EIPR1: variants seen among roughly 807,000 people sequenced by gnomAD.
The protein encoded by EIPR1 is EARP complex and GARP complex interacting protein 1, also known as EARP and GARP complex-interacting protein 1.
EIPR1 carries 25 observed loss-of-function variants against 48.1 expected under a neutral mutation model. That is an observed-to-expected ratio of 0.52 (90% confidence interval 0.38 to 0.73). EIPR1 has a LOEUF of 0.73. Among genes scored for constraint, EIPR1 ranks in the 30% least tolerant of loss-of-function variants. EIPR1 has a pLI of 0.00. For missense variants in EIPR1, 415 were observed against 506.2 expected (o/e 0.82, Z 1.73); for synonymous variants, 204 against 201.9 (o/e 1.01, Z -0.09).
intron 1 of EIPR1, among the ~76,000 whole-genome samples, chr2:3,355,184 T>C (rs540087743): frequency 1.1e-4 from 16 of 152,334 alleles, no homozygotes; most frequent in Admixed American, 7.2e-4. Context: ...TAAAGGCACC[T>C]GCCAGTCTGG....
chr2:3,375,927 C>T (rs1340976142), intron 1 of EIPR1, among the ~76,000 whole-genome samples: 1 of 152,162 alleles, frequency 6.6e-6, no homozygotes, highest in Non-Finnish European at 1.5e-5. Context: ...TCCTATAGCA[C>T]AGTTTATTAT....
intron 2 of EIPR1, among the ~76,000 whole-genome samples, chr2:3,345,625 G>GA (rs879730271): frequency 1.5e-3 from 212 of 141,686 alleles, no homozygotes; most frequent in Middle Eastern, 3.7e-3. Context: ...ACTCTGTCTG[G>GA]AAAAAAAAAA....
chr2:3,336,814 A>G (rs1670059168), intron 3 of EIPR1, among the ~76,000 whole-genome samples: 1 of 149,358 alleles, frequency 6.7e-6, no homozygotes, highest in Admixed American at 6.8e-5. Flanking sequence ...AGAAAAGGAA[A>G]AGAAAAGAAA....
At chr2:3,366,105 C>T (rs546170538) in intron 1 of EIPR1, among the ~76,000 whole-genome samples, 9 of 152,244 alleles carry the variant, frequency 5.9e-5, no homozygotes, top group African/African-American at 1.9e-4. Flanking sequence ...GTCAGGAGTT[C>T]GAGACCAGCC....
chr2:3,196,740 T>C, intron 6 of EIPR1, 141 bp downstream of exon 6: 1 of 1,293,256 alleles, frequency 7.7e-7, no homozygotes, highest in Non-Finnish European at 1.0e-6. Context: ...GATGAAGATT[T>C]ATGATTTCCT....
At chr2:3,236,660 G>A (rs1232998070) in intron 4 of EIPR1, among the ~76,000 whole-genome samples, 2 of 152,184 alleles carry the variant, frequency 1.3e-5, no homozygotes, top group Non-Finnish European at 2.9e-5. Context: ...GCGTCTGCTC[G>A]GTGCAGGCCC....
At chr2:3,322,941 G>A (rs888599605) in intron 3 of EIPR1, among the ~76,000 whole-genome samples, 1 of 152,194 alleles carries the variant, frequency 6.6e-6, no homozygotes, top group Non-Finnish European at 1.5e-5. Context: ...ATGCCTTGGC[G>A]TACGTGCGAG....
At chr2:3,301,718 C>A (rs901414524) in intron 3 of EIPR1, among the ~76,000 whole-genome samples, 1 of 152,180 alleles carries the variant, frequency 6.6e-6, no homozygotes, top group Non-Finnish European at 1.5e-5. Context: ...AATACAGTCT[C>A]AAGGTGATAA....
chr2:3,377,633 C>A lies in EIPR1; in HGVS notation c.42+15G>T. 1.3e-6 allele frequency: 2 copies of A among 1,567,916 alleles called. No individual in the cohort carries two copies. The highest frequency in any genetic ancestry group is 1.7e-6 in the Non-Finnish European group (2 of 1,155,846). ...GCCAGGCCGAGCAGCACCTGCCGCC[C>A]TCCCAGTGACCCACCTGGAACTCCA... is the stretch of plus-strand genomic sequence containing the variant. On this transcript the variant is annotated intron_variant, in intron 1 of 8. Coordinates refer to ENST00000382125, the MANE Select transcript of EIPR1 (RefSeq NM_003310.5).
At chr2:3,244,255 T>A (rs1304438740) in intron 4 of EIPR1, among the ~76,000 whole-genome samples, 1 of 152,174 alleles carries the variant, frequency 6.6e-6, no homozygotes, top group African/African-American at 2.4e-5. Context: ...AGCAGTTTGG[T>A]CTCCTTTTTC....
At chr2:3,371,581 C>T (rs983796880) in intron 1 of EIPR1, among the ~76,000 whole-genome samples, 8 of 152,124 alleles carry the variant, frequency 5.3e-5, no homozygotes, top group Non-Finnish European at 8.8e-5. Context: ...GGGTTGCAAT[C>T]CTAGTCTCTG....
chr2:3,259,672 G>A (rs1667267366), intron 3 of EIPR1, among the ~76,000 whole-genome samples: 1 of 152,204 alleles, frequency 6.6e-6, no homozygotes, highest in South Asian at 2.1e-4. Context: ...CCCTTCTAAT[G>A]TTGTAACAAA....
rs1221694110 is a variant in EIPR1 at position 3,337,007 on chromosome 2, GAAGGGAA to G, written c.259+1003_259+1009del. Among the ~76,000 whole-genome samples the G allele has an allele frequency of 1.1e-4, 16 of 140,686 alleles. 2 individuals are homozygous for G. Among genetic ancestry groups the G allele is most frequent in the East Asian group, 6.5e-4 (3 of 4,642 alleles). 92.3% of individuals were successfully genotyped at this position (140,686 alleles called of 152,430 possible). On this transcript the variant is annotated intron_variant, in intron 3 of 8. Transcript: ENST00000382125. ...GGGAAAGGAAGAAGGAAGGGAAAGG[GAAGGGAA>G]AAGGGAAAAGGGAAGGGAAAAGAAA...
intron 4 of EIPR1, among the ~76,000 whole-genome samples, chr2:3,248,227 C>T (rs185604523): frequency 1.3e-5 from 2 of 152,334 alleles, no homozygotes; most frequent in South Asian, 2.1e-4. Flanking sequence ...GTGGGTGGAT[C>T]ACCTGAGATC....
chr2:3,233,894 C>A (rs969000906), intron 4 of EIPR1, among the ~76,000 whole-genome samples: 31 of 152,318 alleles, frequency 2.0e-4, no homozygotes, highest in African/African-American at 7.5e-4. Flanking sequence ...GTTCTCAGCA[C>A]CCTGAGCAGG....
At chr2:3,207,933 A>AAT (rs1311592430) in intron 5 of EIPR1, 2 of 152,668 alleles carry the variant, frequency 1.3e-5, no homozygotes, top group African/African-American at 4.8e-5. Flanking sequence ...CAACTTAGTA[A>AAT]ATCACTGACT....
At chr2:3,218,964 G>A (rs1195395122) in intron 4 of EIPR1, among the ~76,000 whole-genome samples, 7 of 142,880 alleles carry the variant, frequency 4.9e-5, no homozygotes, top group African/African-American at 1.8e-4. Flanking sequence ...ACCCAGCAGG[G>A]CCCTGGTATA....
intron 4 of EIPR1, among the ~76,000 whole-genome samples, chr2:3,229,955 A>G (rs140344162): frequency 6.6e-6 from 1 of 152,108 alleles, no homozygotes. Flanking sequence ...ACTGTTACTC[A>G]CAGGGGTATC....
chr2:3,192,477 G>A lies in EIPR1; in HGVS notation c.926C>T (p.Pro309Leu). 1 of 1,612,990 alleles carries A rather than the reference G, an allele frequency of 6.2e-7. No homozygotes were observed. The highest frequency in any genetic ancestry group is 8.5e-7 in the Non-Finnish European group (1 of 1,179,744). The change falls in exon 8 of 9, where the codon CCC becomes CTC. Residue 309 changes from proline to leucine, a missense_variant. Pro to Leu is a moderately conservative substitution (Grantham distance 98, BLOSUM62 -3). Coordinates refer to ENST00000382125, the MANE Select transcript of EIPR1 (RefSeq NM_003310.5). Reference sequence around the variant, plus strand: ...ATCGTCGTCTACCAAGTGGCCGAAGGGCTCCGACGAGATGGACACCATGTT... The same window carrying A: ...ATCGTCGTCTACCAAGTGGCCGAAGAGCTCCGACGAGATGGACACCATGTT... ...LSNMVSISSE[P>L]FGHLVDDDDI...
Sources: allele counts gnomAD v4.1 joint callset (sites outside exome capture counted in the v4.1 genomes callset), GRCh38; gene constraint gnomAD v4.1.1; transcripts MANE v1.5; gene names NCBI Gene and HGNC (gene_info 2026-07-23, HGNC 2026-07-21).